PLCH2: variants seen among roughly 807,000 people sequenced by gnomAD.
PLCH2 encodes the protein 1-phosphatidylinositol 4,5-bisphosphate phosphodiesterase eta-2.
In PLCH2, 98 loss-of-function variants were observed where a neutral mutation model predicts 134.7. That is an observed-to-expected ratio of 0.73 (90% CI 0.62 to 0.86). PLCH2 has a LOEUF of 0.86. Ranked by LOEUF, PLCH2 falls within the 40% of genes least tolerant of loss-of-function variation. The pLI is 0.00. For missense variants in PLCH2, 1,994 were observed against 1,986.6 expected, an observed-to-expected ratio of 1.00 and a Z score of -0.07; for synonymous variants, 974 against 827.5, an observed-to-expected ratio of 1.18 and a Z score of -3.04.
chr1:2,474,256 C>T (rs971773874), upstream of PLCH2, among the ~76,000 whole-genome samples: 13 of 152,128 alleles, frequency 8.5e-5, no homozygotes, highest in African/African-American at 2.9e-4. Flanking sequence ...GGGCCCCTGC[C>T]ACGTCTCTTG....
intron 2 of PLCH2, among the ~76,000 whole-genome samples, chr1:2,443,851 G>A (rs1382834025): frequency 6.7e-6 from 1 of 149,526 alleles, no homozygotes; most frequent in Admixed American, 6.6e-5. Context: ...GCCCCAGCCC[G>A]AGCCCGAGCC....
At chr1:2,456,371 C>T (rs1281631107) in intron 2 of PLCH2, among the ~76,000 whole-genome samples, 3 of 152,320 alleles carry the variant, frequency 2.0e-5, no homozygotes, top group East Asian at 1.9e-4. Context: ...GCTTGGGAGG[C>T]GGGGCGGCCC....
At chr1:2,459,872 G>A (rs1640726699) in intron 2 of PLCH2, among the ~76,000 whole-genome samples, 1 of 152,264 alleles carries the variant, frequency 6.6e-6, no homozygotes, top group African/African-American at 2.4e-5. Flanking sequence ...GCCAGTTTCT[G>A]CTCAGCGCCT....
At chr1:2,423,855 GA>G (rs1638642139), upstream of PLCH2, among the ~76,000 whole-genome samples, 2 of 152,124 alleles carry the variant, frequency 1.3e-5, no homozygotes, top group African/African-American at 4.8e-5. Flanking sequence ...CAACAGTTAT[GA>G]GGAGAGGTCA....
At chr1:2,432,560 GC>G (rs1472883343) in intron 2 of PLCH2, among the ~76,000 whole-genome samples, 2 of 152,208 alleles carry the variant, frequency 1.3e-5, no homozygotes, top group Non-Finnish European at 2.9e-5. Flanking sequence ...TGGGCACGTG[GC>G]CGGGCCCATG....
chr1:2,439,128 C>T lies in PLCH2; in HGVS notation c.115+8499C>T, dbSNP rs989793342. ...TGTTTCAAGGCAGGATACCATGTCT[C>T]TGGGGACCCTGGGCAGGTGCCTTTC... On this transcript the variant is annotated intron_variant, in intron 2 of 3. Transcript: ENST00000609981. This position sits in a 1 kb window ranked among gnomAD's most constrained non-coding sequence, Gnocchi z 4.7. Among the ~76,000 whole-genome samples the T allele has an allele frequency of 1.3e-5, 2 of 152,252 alleles. No individual in the cohort carries two copies. Among genetic ancestry groups the T allele is most frequent in the Admixed American group, 6.5e-5 (1 of 15,288 alleles).
At chr1:2,459,618 CT>C (rs1640705082) in intron 2 of PLCH2, among the ~76,000 whole-genome samples, 3 of 105,596 alleles carry the variant, frequency 2.8e-5, no homozygotes, top group African/African-American at 8.4e-5. Context: ...TCCTCCTTGC[CT>C]GTGGTCCTCC....
chr1:2,450,218 G>A (rs1045050082), intron 2 of PLCH2, among the ~76,000 whole-genome samples: 3 of 152,138 alleles, frequency 2.0e-5, no homozygotes, highest in African/African-American at 7.2e-5. Flanking sequence ...CCTCCCAGGA[G>A]GGAGTTTGGT....
Position 2,497,045 on chromosome 1 carries a change from G to A in PLCH2, c.2116+35G>A, listed in dbSNP as rs144425210. On this transcript the variant is annotated intron_variant, in intron 15 of 21. Coordinates refer to ENST00000378486, the MANE Select transcript of PLCH2 (RefSeq NM_014638.4). ...GGCATGGTGCGCTGGGTGTGGTGGGGAGGGCTCGGCTCAGACGGTCCCTGA... is the reference window on the plus strand; with the variant it reads ...GGCATGGTGCGCTGGGTGTGGTGGGAAGGGCTCGGCTCAGACGGTCCCTGA... 4,281 of 1,595,588 alleles carry A rather than the reference G, an allele frequency of 2.7e-3. 110 individuals carry two copies. In the African/African-American group the frequency reaches 0.05, roughly 19 times the overall value.
chr1:2,453,916 G>C (rs866535681), intron 2 of PLCH2, among the ~76,000 whole-genome samples: 1 of 152,146 alleles, frequency 6.6e-6, no homozygotes, highest in South Asian at 2.1e-4. Flanking sequence ...CGAGTGGGGT[G>C]GGGGAAAGAG....
rs576054067 is a variant in PLCH2 at position 2,469,367 on chromosome 1, C to T, written c.43+1705C>T. ...GCTCTGAGCCCACCCTCCGTGCCTGCGTCCTCTGGGCAGAGGGAGGGGAGC... is the reference window on the plus strand; with the variant it reads ...GCTCTGAGCCCACCCTCCGTGCCTGTGTCCTCTGGGCAGAGGGAGGGGAGC... On this transcript the variant is annotated intron_variant, in intron 1 of 21. Coordinates refer to the PLCH2 transcript ENST00000449969. Among the ~76,000 whole-genome samples, 115 of 152,334 alleles carry T rather than the reference C, an allele frequency of 7.5e-4. 2 individuals carry two copies. In the Middle Eastern group the frequency reaches 0.02, roughly 27 times the overall value.
intron 2 of PLCH2, among the ~76,000 whole-genome samples, chr1:2,458,987 G>A (rs1640636344): frequency 6.6e-6 from 1 of 152,280 alleles, no homozygotes; most frequent in African/African-American, 2.4e-5. Context: ...TTGCAGCGTG[G>A]CTGCTCCTGG....
intron 2 of PLCH2, among the ~76,000 whole-genome samples, chr1:2,453,962 C>T (rs1374626718): frequency 1.4e-5 from 2 of 142,048 alleles, no homozygotes; most frequent in African/African-American, 3.0e-5. Context: ...CTCTGAGAGC[C>T]GAGTGTGTGG....
upstream of PLCH2, among the ~76,000 whole-genome samples, chr1:2,425,725 T>C (rs995283120): frequency 3.3e-5 from 5 of 150,602 alleles, no homozygotes; most frequent in Admixed American, 6.7e-5. Context: ...AGTTTCACCA[T>C]GTTGCCCAGG....
At chr1:2,428,837 C>T (rs1638930368) in intron 1 of PLCH2, among the ~76,000 whole-genome samples, 1 of 152,270 alleles carries the variant, frequency 6.6e-6, no homozygotes, top group African/African-American at 2.4e-5. Flanking sequence ...GGGGGTGAGC[C>T]TGGAGCCAGG....
intron 4 of PLCH2, among the ~76,000 whole-genome samples, chr1:2,483,619 C>G (rs1003299935): frequency 6.6e-6 from 1 of 152,136 alleles, no homozygotes; most frequent in Non-Finnish European, 1.5e-5. Context: ...AGGCAAAGTC[C>G]TCAATCCTTA....
intron 2 of PLCH2, among the ~76,000 whole-genome samples, chr1:2,455,733 G>A (rs911886620): frequency 5.3e-5 from 8 of 152,140 alleles, no homozygotes; most frequent in African/African-American, 1.9e-4. Flanking sequence ...GTGGCAAAGC[G>A]CACCTGCTGC....
chr1:2,435,376 C>T (rs528271147), intron 2 of PLCH2, among the ~76,000 whole-genome samples: 35 of 152,242 alleles, frequency 2.3e-4, no homozygotes, highest in East Asian at 1.9e-4. Context: ...CAGGGGTCCC[C>T]GGGCTCTGGG....
At chr1:2,474,800 C>T (rs1641526447), upstream of PLCH2, among the ~76,000 whole-genome samples, 1 of 152,042 alleles carries the variant, frequency 6.6e-6, no homozygotes, top group Non-Finnish European at 1.5e-5. Context: ...AAGCCCGCAG[C>T]AGCCCAGTAT....
Sources: allele counts gnomAD v4.1 joint callset (sites outside exome capture counted in the v4.1 genomes callset), GRCh38; gene constraint gnomAD v4.1.1; non-coding constraint Gnocchi (gnomAD v3.1); transcripts MANE v1.5; gene names NCBI Gene and HGNC (gene_info 2026-07-23, HGNC 2026-07-21).